Variants in CSMD1 observed in about 807,000 individuals in gnomAD.
CSMD1 encodes the protein CUB and sushi domain-containing protein 1.
A neutral mutation model predicts 417.5 loss-of-function variants in CSMD1; 213 were observed. The observed-to-expected ratio is 0.51, with a 90% CI of 0.46 to 0.57. The LOEUF (loss-of-function observed/expected upper bound fraction) is 0.57. Among genes scored for constraint, CSMD1 ranks in the 20% least tolerant of loss-of-function variants. The pLI is 0.00. For synonymous variants in CSMD1, 2,862 were observed against 1,736.8 expected, an observed-to-expected ratio of 1.65 and a Z score of -16.11; for missense variants, 6,923 against 4,529.7, an observed-to-expected ratio of 1.53 and a Z score of -15.17.
intron 1 of CSMD1, among the ~76,000 whole-genome samples, chr8:4,899,072 T>C (rs1457047246): frequency 1.3e-5 from 2 of 152,180 alleles, no homozygotes; most frequent in Non-Finnish European, 2.9e-5. Context: ...TGTAGCCCTA[T>C]CCTGTGATTT....
At chr8:4,852,012 C>T (rs1392379117) in intron 1 of CSMD1, among the ~76,000 whole-genome samples, 2 of 152,188 alleles carry the variant, frequency 1.3e-5, no homozygotes, top group African/African-American at 2.4e-5. Context: ...CTTGATCTGT[C>T]ACTAAGGTCT....
intron 5 of CSMD1, among the ~76,000 whole-genome samples, chr8:3,954,264 G>A (rs956374945): frequency 6.6e-6 from 1 of 152,216 alleles, no homozygotes; most frequent in African/African-American, 2.4e-5. Context: ...TATTTTAAAA[G>A]ACCTTAGAAC....
intron 5 of CSMD1, among the ~76,000 whole-genome samples, chr8:3,804,810 C>A (rs1329083045): frequency 6.6e-6 from 1 of 152,106 alleles, no homozygotes; most frequent in Admixed American, 6.6e-5. Flanking sequence ...TTATTCATAT[C>A]TAATAATTGA....
At chr8:4,951,517 G>C (rs1808745488) in intron 1 of CSMD1, among the ~76,000 whole-genome samples, 1 of 150,524 alleles carries the variant, frequency 6.6e-6, no homozygotes, top group African/African-American at 2.4e-5. Context: ...AGGAAGGATG[G>C]GAGGGGAGAA....
At chr8:4,695,058 G>C (rs1400247616) in intron 1 of CSMD1, among the ~76,000 whole-genome samples, 1 of 151,752 alleles carries the variant, frequency 6.6e-6, no homozygotes, top group Non-Finnish European at 1.5e-5. Flanking sequence ...CCCCCTTATG[G>C]GAATGTTCTT....
chr8:4,966,381 A>G (rs944556083), intron 1 of CSMD1, among the ~76,000 whole-genome samples: 1 of 152,094 alleles, frequency 6.6e-6, no homozygotes, highest in Non-Finnish European at 1.5e-5. Flanking sequence ...CTCCATCTCA[A>G]ACAAAAAACA....
intron 7 of CSMD1, among the ~76,000 whole-genome samples, chr8:3,632,940 T>A (rs1796856017): frequency 6.6e-6 from 1 of 152,230 alleles, no homozygotes; most frequent in Non-Finnish European, 1.5e-5. Context: ...AATGATCATT[T>A]CAGAAGTATA....
At position 3,701,477 on chromosome 8, in the gene CSMD1, G is replaced by A. The variant is rs192149554; in HGVS notation, c.1009+6937C>T. The stretch of plus-strand genomic sequence containing the variant: ...GCTAAACTCAGAGGCTGACATGAGG[G>A]CAAAAGACTCTTCAGGATATAGGAT... On this transcript the variant is annotated intron_variant, in intron 7 of 69. Transcript: ENST00000635120. 2.6e-3 allele frequency among the ~76,000 whole-genome samples: 390 copies of A among 150,756 alleles called. 1 individual carries two copies. Among genetic ancestry groups the A allele is most frequent in the African/African-American group, 9.1e-3 (373 of 40,938 alleles).
At chr8:3,656,995 A>C (rs760917684) in intron 7 of CSMD1, among the ~76,000 whole-genome samples, 1 of 151,850 alleles carries the variant, frequency 6.6e-6, no homozygotes, top group Non-Finnish European at 1.5e-5. Context: ...GGACATGGGG[A>C]TGTGACCCAC....
intron 3 of CSMD1, among the ~76,000 whole-genome samples, chr8:4,338,590 A>C (rs144686884): frequency 1.3e-5 from 2 of 152,198 alleles, no homozygotes; most frequent in African/African-American, 4.8e-5. Flanking sequence ...TGACATACTC[A>C]TAATAGAAAC....
At chr8:4,850,467 T>C (rs1010375461) in intron 1 of CSMD1, among the ~76,000 whole-genome samples, 1 of 146,098 alleles carries the variant, frequency 6.8e-6, no homozygotes, top group Non-Finnish European at 1.5e-5. Flanking sequence ...GGAAGCTTCC[T>C]CTCCCTTCAG....
At chr8:4,694,472 C>A (rs1378214965) in intron 1 of CSMD1, among the ~76,000 whole-genome samples, 2 of 152,132 alleles carry the variant, frequency 1.3e-5, no homozygotes, top group African/African-American at 4.8e-5. Flanking sequence ...CTGCCTCAGC[C>A]TTCCAAGTAG....
chr8:4,516,777 A>T (rs1266006016), intron 2 of CSMD1, among the ~76,000 whole-genome samples: 1 of 152,164 alleles, frequency 6.6e-6, no homozygotes, highest in Admixed American at 6.5e-5. Context: ...CAACTCATGT[A>T]AAGTTCTTGT....
intron 5 of CSMD1, among the ~76,000 whole-genome samples, chr8:3,938,903 T>C (rs1563232079): frequency 6.6e-6 from 1 of 152,174 alleles, no homozygotes. Flanking sequence ...ATCTATATGC[T>C]CAATACTCTA....
At position 3,179,165 on chromosome 8, in the gene CSMD1, T is replaced by A. The variant is rs563790189; in HGVS notation, c.5725+1945A>T. Reference sequence around the variant, plus strand: ...TTTCAACGTGTTAGCCAGGACTGTCTCGATCTCCTGACCTCGTGATCTGCC... The same window carrying A: ...TTTCAACGTGTTAGCCAGGACTGTCACGATCTCCTGACCTCGTGATCTGCC... On this transcript the variant is annotated intron_variant, in intron 37 of 69. Transcript: ENST00000635120. Among the ~76,000 whole-genome samples the A allele has an allele frequency of 5.7e-4, 87 of 151,678 alleles. 1 individual carries two copies. Among genetic ancestry groups the A allele is most frequent in the South Asian group, 8.4e-4 (4 of 4,790 alleles).
rs1804764573 is a variant in CSMD1, at chr8:2,974,624, G to C, written c.8567C>G (p.Ala2856Gly). The change falls in exon 56 of 70, where the codon GCT becomes GGT. Residue 2856 changes from alanine to glycine, a missense_variant and splice_region_variant. Physicochemically the swap from Ala to Gly is moderately conservative, Grantham distance 60. Coordinates refer to ENST00000635120, the MANE Select transcript of CSMD1 (RefSeq NM_033225.6). ...LWDRSLPKCL[A>G]ISCGHPGVPA... ...GACCCCTGGGTGTCCACACGATATA[G>C]CTTCAGAAAAAAGATAAAACAATTG... is the stretch of plus-strand genomic sequence containing the variant. 6.3e-7 allele frequency: 1 copy of C among 1,579,412 alleles called. No homozygotes were observed. Among genetic ancestry groups the C allele is most frequent in the Non-Finnish European group, 8.6e-7 (1 of 1,162,682 alleles).
At chr8:3,621,010 G>A (rs1316329883) in intron 7 of CSMD1, among the ~76,000 whole-genome samples, 1 of 152,082 alleles carries the variant, frequency 6.6e-6, no homozygotes, top group African/African-American at 2.4e-5. Context: ...AATCCAACAT[G>A]ACTGGTGCCC....
intron 2 of CSMD1, among the ~76,000 whole-genome samples, chr8:4,511,778 C>A (rs1488660589): frequency 1.3e-5 from 2 of 152,094 alleles, no homozygotes; most frequent in East Asian, 3.9e-4. Flanking sequence ...TAGTTTTACT[C>A]CAAGAGGACT....
intron 1 of CSMD1, among the ~76,000 whole-genome samples, chr8:4,705,940 G>C (rs779018205): frequency 1.3e-5 from 2 of 151,906 alleles, no homozygotes; most frequent in East Asian, 1.9e-4. Flanking sequence ...ATTTGATAAA[G>C]AAATCTCTTC....
Sources: allele counts gnomAD v4.1 joint callset (sites outside exome capture counted in the v4.1 genomes callset), GRCh38; gene constraint gnomAD v4.1.1; transcripts MANE v1.5; gene names NCBI Gene and HGNC (gene_info 2026-07-23, HGNC 2026-07-21).